The following USP13 variants were observed in gnomAD, a reference collection of about 807,000 sequenced individuals.
USP13 encodes the protein ubiquitin specific peptidase 13.
In USP13, 68 loss-of-function variants were observed where a neutral mutation model predicts 107.8. That is an observed-to-expected ratio of 0.63 (90% confidence interval 0.52 to 0.77). The LOEUF is 0.77. Among genes scored for constraint, USP13 ranks in the 30% least tolerant of loss-of-function variants. USP13 has a pLI of 0.00. For missense variants in USP13, 945 were observed against 1,093.3 expected (o/e 0.86, Z 1.91); for synonymous variants, 377 against 389.5 (o/e 0.97, Z 0.38).
At chr3:179,663,578 A>G (rs889252339) in intron 1 of USP13, among the ~76,000 whole-genome samples, 2 of 152,114 alleles carry the variant, frequency 1.3e-5, no homozygotes, top group Non-Finnish European at 2.9e-5. Flanking sequence ...GCTTCCTAAC[A>G]ACCACCTTAC....
intron 19 of USP13, 47 bp from the exon 20 acceptor site, chr3:179,781,692 C>T (rs760327803): frequency 2.0e-5 from 31 of 1,547,912 alleles, no homozygotes; most frequent in Non-Finnish European, 2.6e-5. Context: ...AAGTGCTCTT[C>T]ATTCTGGAAA....
At position 179,787,966 on chromosome 3, in the gene USP13, AC is replaced by A. The variant is rs1392106824; in HGVS notation, c.*3826del. ...TACTTTGGCTCCATCCCCCTCAAAA[AC>A]AAAACAAAAAATCCATTTAAAGTGT... On this transcript the variant is annotated 3_prime_UTR_variant, in exon 21 of 21. Coordinates refer to ENST00000263966, the MANE Select transcript of USP13 (RefSeq NM_003940.3). 6.6e-6 allele frequency: 1 copy of A among 152,210 alleles called. No individual in the cohort carries two copies. Among genetic ancestry groups the A allele is most frequent in the Non-Finnish European group, 1.5e-5 (1 of 68,044 alleles). The allele number at this position is 152,210 out of a possible 1,614,324, so 9.4% of individuals were successfully genotyped here. A position where few individuals can be genotyped will look rare whatever the true frequency, so the allele number is the denominator to read the frequency against.
intron 4 of USP13, 147 bp from the exon 5 acceptor site, chr3:179,706,787 A>G (rs1481645154): frequency 1.1e-6 from 1 of 931,376 alleles, no homozygotes; most frequent in South Asian, 1.9e-5. Context: ...GGGAAAGTGC[A>G]GGAAAACAGG....
intron 4 of USP13, among the ~76,000 whole-genome samples, chr3:179,704,045 G>C (rs1329585239): frequency 6.6e-6 from 1 of 152,028 alleles, no homozygotes; most frequent in Non-Finnish European, 1.5e-5. Flanking sequence ...AGGTCTTTTC[G>C]CATCACTTGA....
intron 20 of USP13, among the ~76,000 whole-genome samples, chr3:179,783,673 T>C (rs780752519): frequency 1.3e-5 from 2 of 152,194 alleles, no homozygotes; most frequent in Non-Finnish European, 2.9e-5. Context: ...TCCTGATACA[T>C]TTTAGTAACT....
chr3:179,737,632 C>A (rs1227005320), intron 10 of USP13, among the ~76,000 whole-genome samples: 1 of 152,166 alleles, frequency 6.6e-6, no homozygotes, highest in African/African-American at 2.4e-5. Flanking sequence ...TTGGCTAGCG[C>A]TGGAAGCACA....
chr3:179,654,158 G>A (rs1348051635), intron 1 of USP13, among the ~76,000 whole-genome samples: 1 of 148,588 alleles, frequency 6.7e-6, no homozygotes, highest in Admixed American at 6.8e-5. Flanking sequence ...AGGCTGTAGT[G>A]GGCCGAGATC....
intron 19 of USP13, among the ~76,000 whole-genome samples, chr3:179,779,484 T>C (rs545972515): frequency 6.6e-6 from 1 of 151,716 alleles, no homozygotes; most frequent in Admixed American, 6.6e-5. Context: ...GAGCCGAGAT[T>C]GCGCCACTGC....
At position 179,758,997 on chromosome 3, in the gene USP13, T is replaced by C. The variant is rs1276129655; in HGVS notation, c.1948+1919T>C. ...AAATGGAATTACACATTTCTTTTTT[T>C]TTGAGACGGAGTGTCACTCTGTCAC... On this transcript the variant is annotated intron_variant, in intron 16 of 20. Transcript: ENST00000263966. 2.0e-5 allele frequency among the ~76,000 whole-genome samples: 3 copies of C among 152,054 alleles called. No individual in the cohort carries two copies. The East Asian group carries it at 5.9e-4, about 30-fold the overall frequency.
intron 19 of USP13, among the ~76,000 whole-genome samples, chr3:179,769,331 A>G (rs946385695): frequency 2.6e-5 from 4 of 152,216 alleles, no homozygotes; most frequent in African/African-American, 9.6e-5. Flanking sequence ...CATTTAAATA[A>G]AAGACCACAT....
rs748591863 is a variant in USP13, at chr3:179,764,068, G to T, written c.2159G>T (p.Gly720Val). Reference sequence around the variant, plus strand: ...GCTTCTGCTGGAGCCTCTGTTTTTGGTGCTTCTGGACTGGATAACCAACCT... The same window carrying T: ...GCTTCTGCTGGAGCCTCTGTTTTTGTTGCTTCTGGACTGGATAACCAACCT... Reference protein sequence around the residue: ...GAASAGASVFGASGLDNQPPE... With the variant: ...GAASAGASVFVASGLDNQPPE... Residue 720 changes from glycine to valine, a missense_variant, in exon 18 of 21, where the codon GGT becomes GTT. Coordinates refer to ENST00000263966, the MANE Select transcript of USP13 (RefSeq NM_003940.3). 1.2e-6 allele frequency: 2 copies of T among 1,613,902 alleles called. No homozygotes were observed. Among genetic ancestry groups the T allele is most frequent in the Non-Finnish European group, 1.7e-6 (2 of 1,180,022 alleles).
intron 1 of USP13, among the ~76,000 whole-genome samples, chr3:179,676,105 C>G (rs956947179): frequency 6.6e-6 from 1 of 152,096 alleles, no homozygotes; most frequent in Admixed American, 6.5e-5. Flanking sequence ...AGCTTTTCCC[C>G]CTTTGCTCAG....
At chr3:179,704,207 GAT>G (rs1481800498) in intron 4 of USP13, among the ~76,000 whole-genome samples, 6 of 152,144 alleles carry the variant, frequency 3.9e-5, no homozygotes, top group African/African-American at 1.4e-4. Flanking sequence ...GAAGTCTAAG[GAT>G]GTTTTGTTGG....
intron 1 of USP13, among the ~76,000 whole-genome samples, chr3:179,675,755 C>T (rs1560044546): frequency 6.6e-6 from 1 of 152,080 alleles, no homozygotes; most frequent in Admixed American, 6.6e-5. Context: ...ACCATGTTGT[C>T]CAGGCTGGTC....
intron 8 of USP13, among the ~76,000 whole-genome samples, chr3:179,728,306 G>T (rs1242710082): frequency 6.7e-6 from 1 of 149,934 alleles, no homozygotes; most frequent in Non-Finnish European, 1.5e-5. Flanking sequence ...CTTCTCAGAC[G>T]GGGCGGCCGG....
chr3:179,774,018 G>A (rs776944956), intron 19 of USP13, among the ~76,000 whole-genome samples: 1 of 152,178 alleles, frequency 6.6e-6, no homozygotes, highest in Non-Finnish European at 1.5e-5. Context: ...AAGGAGGTTT[G>A]TTTGGCTCAT....
At chr3:179,750,332 A>G (rs1576976030) in intron 13 of USP13, among the ~76,000 whole-genome samples, 1 of 137,760 alleles carries the variant, frequency 7.3e-6, no homozygotes, top group East Asian at 2.1e-4. Flanking sequence ...GTGTGTATAT[A>G]TATATATATA....
chr3:179,701,297 A>T (rs1392030763), intron 4 of USP13, among the ~76,000 whole-genome samples, 168 bp downstream of exon 4: 7 of 152,190 alleles, frequency 4.6e-5, no homozygotes, highest in Non-Finnish European at 1.0e-4. Flanking sequence ...CTCTTCTGTG[A>T]CAGGAGTCTT....
Position 179,786,081 on chromosome 3 carries a change from A to T in USP13, c.*1940A>T, listed in dbSNP as rs1715908632. On this transcript the variant is annotated 3_prime_UTR_variant, in exon 21 of 21. Transcript: ENST00000263966. Reference sequence around the variant, plus strand: ...TCACGGTGCAGTACTTTTCTACCAAAGTGTGCCCACTGGTGTCACCTCCTA... The same window carrying T: ...TCACGGTGCAGTACTTTTCTACCAATGTGTGCCCACTGGTGTCACCTCCTA... The T allele has an allele frequency of 6.6e-6, 1 of 152,170 alleles. No individual in the cohort carries two copies. The highest frequency in any genetic ancestry group is 1.5e-5 in the Non-Finnish European group (1 of 68,038). The allele number at this position is 152,170 out of a possible 1,614,324, so 9.4% of individuals were successfully genotyped here.
Sources: gnomAD v4.1 joint callset for allele counts (sites outside exome capture counted in the v4.1 genomes callset) on GRCh38, gnomAD v4.1.1 for gene constraint, MANE v1.5 for transcripts, NCBI Gene and HGNC (gene_info 2026-07-23, HGNC 2026-07-21) for gene names.